The following CREBBP variants were observed in gnomAD, a reference collection of about 807,000 sequenced individuals.
CREBBP encodes the protein CREB binding lysine acetyltransferase.
A neutral mutation model predicts 265.0 loss-of-function variants in CREBBP; 19 were observed. The ratio of observed to expected loss-of-function variants is 0.07; its 90% confidence interval spans 0.05 to 0.11. CREBBP has a LOEUF of 0.11. Ranked by LOEUF, CREBBP falls within the 10% of genes least tolerant of loss-of-function variation. The pLI is 1.00. For synonymous variants in CREBBP, 1,457 were observed against 1,223.7 expected, an observed-to-expected ratio of 1.19 and a Z score of -3.98; for missense variants, 2,525 against 3,219.0, an observed-to-expected ratio of 0.78 and a Z score of 5.22.
intron 1 of CREBBP, among the ~76,000 whole-genome samples, chr16:3,858,937 G>A (rs540820548): frequency 5.3e-5 from 8 of 152,186 alleles, no homozygotes; most frequent in Non-Finnish European, 7.3e-5. Flanking sequence ...GAGTTCAGAT[G>A]CTGTTTTGTG....
chr16:3,846,795 T>A (rs923991358), intron 2 of CREBBP, among the ~76,000 whole-genome samples: 6 of 152,208 alleles, frequency 3.9e-5, no homozygotes, highest in Admixed American at 2.0e-4. Flanking sequence ...TACGCCTCTA[T>A]ACGCATACAT....
chr16:3,795,463 G>A (rs2053590135), intron 3 of CREBBP, among the ~76,000 whole-genome samples: 1 of 151,966 alleles, frequency 6.6e-6, no homozygotes, highest in South Asian at 2.1e-4. Flanking sequence ...CACATGTTTT[G>A]CTTAGTGTTT....
intron 16 of CREBBP, chr16:3,767,514 A>G (rs1596877901): frequency 7.6e-6 from 5 of 656,576 alleles, no homozygotes; most frequent in Non-Finnish European, 1.3e-5. Flanking sequence ...CTCATCTCTC[A>G]CTCCTGCCAT....
At chr16:3,821,369 C>T (rs1159426972) in intron 2 of CREBBP, among the ~76,000 whole-genome samples, 1 of 152,172 alleles carries the variant, frequency 6.6e-6, no homozygotes, top group African/African-American at 2.4e-5. Context: ...CCCTGTGGGG[C>T]CCAGAGTGGA....
intron 24 of CREBBP, 94 bp from the exon 25 acceptor site, chr16:3,739,818 A>T (rs2151338226): frequency 6.4e-7 from 1 of 1,559,874 alleles, no homozygotes; most frequent in Non-Finnish European, 8.8e-7. Context: ...TGGCCACTGC[A>T]GATGAGCGGA....
chr16:3,755,244 C>T (rs2052560862), intron 19 of CREBBP, among the ~76,000 whole-genome samples: 1 of 152,148 alleles, frequency 6.6e-6, no homozygotes, highest in East Asian at 1.9e-4. Context: ...CTACCAATTC[C>T]ATTTAACTTT....
chr16:3,749,257 G>GTA (rs1430360054), intron 21 of CREBBP, among the ~76,000 whole-genome samples: 7 of 152,154 alleles, frequency 4.6e-5, no homozygotes, highest in Non-Finnish European at 1.0e-4. Context: ...TTTCTTTCTG[G>GTA]TATTTCCCTT....
intron 12 of CREBBP, 54 bp downstream of exon 12, chr16:3,774,515 A>C: frequency 6.2e-7 from 1 of 1,611,732 alleles, no homozygotes; most frequent in Non-Finnish European, 8.5e-7. Context: ...TGCTTAGATA[A>C]TGTTCCATGT....
intron 19 of CREBBP, among the ~76,000 whole-genome samples, chr16:3,753,526 A>G (rs948658802): frequency 1.3e-5 from 2 of 152,218 alleles, no homozygotes; most frequent in South Asian, 2.1e-4. Flanking sequence ...GACAGGCAAG[A>G]GGCAGATTAA....
rs1483103863 is a variant in CREBBP, at chr16:3,728,057, G to C, written c.6990C>G (p.Leu2330=). The change falls in exon 31 of 31, where the codon CTC becomes CTG. Residue 2330 remains leucine (L), a synonymous_variant. Transcript: ENST00000262367. This position sits in a 1 kb window ranked among gnomAD's most constrained non-coding sequence, Gnocchi z 8.7. ...GGGACGTGGCGATCTGCTGGCCAGG[G>C]AGATGCGAGGCCTGTGGCTGTCCTG... The part of the protein sequence containing the change: ...MLSGQPQASH[L]PGQQIATSLS... The C allele has an allele frequency of 1.2e-6, 2 of 1,613,554 alleles. No individual in the cohort carries two copies. Among genetic ancestry groups the C allele is most frequent in the Admixed American group, 1.7e-5 (1 of 60,018 alleles).
In CREBBP at chr16:3,744,841, T is replaced by C. The variant is rs774770327; in HGVS notation, c.3982+53A>G. ...ACCAAAGAACAATGGGGACAATTTC[T>C]ACAAGTTTCTAAAATGTGCAGTCCA... is the stretch of plus-strand genomic sequence containing the variant. On this transcript the variant is annotated intron_variant, in intron 23 of 30. Coordinates refer to ENST00000262367, the MANE Select transcript of CREBBP (RefSeq NM_004380.3). 342 of 1,361,936 alleles carry C rather than the reference T, an allele frequency of 2.5e-4. 1 individual carries two copies. Among genetic ancestry groups the C allele is most frequent in the Non-Finnish European group, 5.4e-5 (51 of 950,222 alleles). 84.4% of individuals were successfully genotyped at this position (1,361,936 alleles called of 1,614,324 possible). A position where few individuals can be genotyped will look rare whatever the true frequency, so the allele number is the denominator to read the frequency against.
At chr16:3,858,941 T>C (rs1460124670) in intron 1 of CREBBP, among the ~76,000 whole-genome samples, 3 of 152,188 alleles carry the variant, frequency 2.0e-5, no homozygotes, top group Non-Finnish European at 4.4e-5. Flanking sequence ...TCAGATGCTG[T>C]TTTGTGATGT....
At position 3,778,796 on chromosome 16, in the gene CREBBP, T is replaced by C; in HGVS notation, c.1845A>G (p.Thr615=). The C allele has an allele frequency of 6.2e-7, 1 of 1,613,964 alleles. No homozygotes were observed. Among genetic ancestry groups the C allele is most frequent in the South Asian group, 1.1e-5 (1 of 91,078 alleles). ...GATCCTTTAGAGCTGCGGGATCAGG[T>C]GTTGGGAAGATGGCTTGGACGCTGA... The part of the protein sequence containing the change: ...VHKLVQAIFP[T]PDPAALKDRR... Residue 615 remains threonine, a synonymous_variant, in exon 9 of 31, where the codon ACA becomes ACG. Transcript: ENST00000262367.
chr16:3,753,477 C>T (rs1474109488), intron 19 of CREBBP, among the ~76,000 whole-genome samples: 3 of 152,130 alleles, frequency 2.0e-5, no homozygotes, highest in Non-Finnish European at 4.4e-5. Context: ...TTATTTGGCA[C>T]TAACTCAATT....
intron 27 of CREBBP, chr16:3,736,447 T>C: frequency 2.5e-6 from 2 of 808,940 alleles, no homozygotes; most frequent in Admixed American, 4.4e-5. Context: ...CAGCTCCAAC[T>C]GTGCTGCTCT....
At chr16:3,878,762 G>T (rs2055454891) in intron 1 of CREBBP, among the ~76,000 whole-genome samples, 3 of 152,216 alleles carry the variant, frequency 2.0e-5, no homozygotes, top group Admixed American at 2.0e-4. Context: ...AGCTGCGCTG[G>T]AGATGGAATT....
At chr16:3,874,862 G>A (rs538426103) in intron 1 of CREBBP, among the ~76,000 whole-genome samples, 22 of 152,242 alleles carry the variant, frequency 1.4e-4, no homozygotes, top group African/African-American at 5.1e-4. Flanking sequence ...GGTAAAGAGG[G>A]GTGCCCTCAC....
rs80111586 is a variant in CREBBP at position 3,816,294 on chromosome 16, T to C, written c.799-5515A>G. On this transcript the variant is annotated intron_variant, in intron 2 of 30. Transcript: ENST00000262367. ...AGAACCTACTTCTGTTTTCTATCACTTCACTCAGAGAGTAAAAATATGTAA... is the reference window on the plus strand; with the variant it reads ...AGAACCTACTTCTGTTTTCTATCACCTCACTCAGAGAGTAAAAATATGTAA... Among the ~76,000 whole-genome samples the C allele has an allele frequency of 6.8e-3, 1,037 of 152,324 alleles. 12 individuals carry two copies. The highest frequency in any genetic ancestry group is 0.017 in the Middle Eastern group (5 of 294).
chr16:3,844,198 G>A (rs1201145891), intron 2 of CREBBP, among the ~76,000 whole-genome samples: 3 of 137,152 alleles, frequency 2.2e-5, no homozygotes, highest in African/African-American at 8.1e-5. Flanking sequence ...TTTTGACCAA[G>A]TTAACGTAAC....
Sources: gnomAD v4.1 joint callset for allele counts (sites outside exome capture counted in the v4.1 genomes callset) on GRCh38, gnomAD v4.1.1 for gene constraint, Gnocchi (gnomAD v3.1) non-coding constraint, MANE v1.5 for transcripts, NCBI Gene and HGNC (gene_info 2026-07-23, HGNC 2026-07-21) for gene names.